The following CYTH1 variants were observed in gnomAD, a reference collection of about 807,000 sequenced individuals.
The protein encoded by CYTH1 is cytohesin-1.
A neutral mutation model predicts 61.8 loss-of-function variants in CYTH1; 18 were observed. The observed-to-expected ratio is 0.29, with a 90% CI of 0.20 to 0.43. The LOEUF (loss-of-function observed/expected upper bound fraction) is 0.43. Among genes scored for constraint, CYTH1 ranks in the 20% least tolerant of loss-of-function variants. The pLI is 1.00. For synonymous variants in CYTH1, 174 were observed against 184.3 expected, an observed-to-expected ratio of 0.94 and a Z score of 0.45; for missense variants, 336 against 510.5, an observed-to-expected ratio of 0.66 and a Z score of 3.29.
In CYTH1 at chr17:78,727,748, G is replaced by GCTT. The variant is rs1356779855; in HGVS notation, c.23-18019_23-18017dup. 2.5e-5 allele frequency: 12 copies of GCTT among 470,862 alleles called. No homozygotes were observed. In the Admixed American group the frequency reaches 2.8e-4, roughly 11 times the overall value. 29.2% of individuals were successfully genotyped at this position (470,862 alleles called of 1,614,324 possible). On this transcript the variant is annotated intron_variant, in intron 1 of 13. Transcript: ENST00000446868. The stretch of plus-strand genomic sequence containing the variant: ...CCAACTCAGTGTGTTAGGAGGGCAG[G>GCTT]CTTCTTCTTCTCTGTCTTGGCTGCT...
At chr17:78,752,773 C>T (rs2093385465) in intron 1 of CYTH1, among the ~76,000 whole-genome samples, 1 of 152,104 alleles carries the variant, frequency 6.6e-6, no homozygotes, top group Non-Finnish European at 1.5e-5. Flanking sequence ...TAATCTTAAC[C>T]ATGTAAATAT....
At chr17:78,753,878 A>G (rs1598910537) in intron 1 of CYTH1, among the ~76,000 whole-genome samples, 1 of 152,328 alleles carries the variant, frequency 6.6e-6, no homozygotes, top group South Asian at 2.1e-4. Context: ...ACCCTTGCAG[A>G]ATTGTTCTAA....
Position 78,701,653 on chromosome 17 carries a change from C to A in CYTH1, c.437+18G>T, listed in dbSNP as rs1383127394. On this transcript the variant is annotated intron_variant, in intron 6 of 13. Transcript: ENST00000446868. ...GCCTCCCACTCCTTCCAAAGGGGCT[C>A]ACCTCAAGAATACTCACCGTAGTGC... 5 of 1,613,394 alleles carry A rather than the reference C, an allele frequency of 3.1e-6. No homozygotes were observed. The South Asian group carries it at 4.4e-5, about 14-fold the overall frequency.
chr17:78,746,361 T>G (rs1438079923), intron 1 of CYTH1, among the ~76,000 whole-genome samples: 3 of 152,218 alleles, frequency 2.0e-5, no homozygotes, highest in African/African-American at 7.2e-5. Context: ...ATGTATATTC[T>G]TCTCTGAACC....
chr17:78,701,170 G>GACAGGTTT (rs200518820), intron 6 of CYTH1, among the ~76,000 whole-genome samples: 2,095 of 152,306 alleles, frequency 0.014, 50 homozygotes, highest in African/African-American at 0.048. Flanking sequence ...ACCCACAGCT[G>GACAGGTTT]ACAGGTTTAA....
At chr17:78,730,584 C>CT (rs985736496) in intron 1 of CYTH1, among the ~76,000 whole-genome samples, 23 of 151,858 alleles carry the variant, frequency 1.5e-4, no homozygotes, top group African/African-American at 5.3e-4. Flanking sequence ...TTCACTGCAT[C>CT]TTTTTTTAGG....
intron 1 of CYTH1, among the ~76,000 whole-genome samples, chr17:78,752,859 A>C (rs993754475): frequency 3.3e-5 from 5 of 152,238 alleles, no homozygotes; most frequent in African/African-American, 9.6e-5. Context: ...AAAATGCCTA[A>C]TTAAATACAA....
chr17:78,685,834 G>A (rs1026201659), intron 11 of CYTH1, among the ~76,000 whole-genome samples: 7 of 152,146 alleles, frequency 4.6e-5, no homozygotes, highest in African/African-American at 9.7e-5. Context: ...AGGGTCTTGG[G>A]TCATTCTTCT....
intron 1 of CYTH1, among the ~76,000 whole-genome samples, chr17:78,731,036 G>A (rs2093291584): frequency 1.3e-5 from 2 of 152,152 alleles, no homozygotes; most frequent in Non-Finnish European, 2.9e-5. Flanking sequence ...CTACAGGAAA[G>A]CAGAATTTGA....
At chr17:78,711,178 C>T (rs1217424493) in intron 1 of CYTH1, among the ~76,000 whole-genome samples, 1 of 151,608 alleles carries the variant, frequency 6.6e-6, no homozygotes, top group African/African-American at 2.4e-5. Context: ...AGGAGAATGG[C>T]GTAAACCCGG....
intron 1 of CYTH1, among the ~76,000 whole-genome samples, chr17:78,739,789 T>G (rs2093334954): frequency 6.6e-6 from 1 of 152,156 alleles, no homozygotes; most frequent in Non-Finnish European, 1.5e-5. Flanking sequence ...GGCGGCTTAC[T>G]TGATAAAAGT....
chr17:78,711,190 A>G (rs1370317837), intron 1 of CYTH1, among the ~76,000 whole-genome samples: 1 of 151,560 alleles, frequency 6.6e-6, no homozygotes, highest in Non-Finnish European at 1.5e-5. Context: ...TAAACCCGGG[A>G]GGTGGAGGTT....
intron 1 of CYTH1, among the ~76,000 whole-genome samples, chr17:78,749,434 T>G (rs547237639): frequency 1.6e-4 from 24 of 152,238 alleles, no homozygotes; most frequent in Middle Eastern, 3.4e-3. Context: ...CACCCCAGTC[T>G]GGGTGACAGA....
intron 13 of CYTH1, among the ~76,000 whole-genome samples, chr17:78,679,748 C>T (rs946824607): frequency 6.6e-6 from 1 of 152,196 alleles, no homozygotes; most frequent in Non-Finnish European, 1.5e-5. Context: ...ATGTGACTTC[C>T]AGCAAATTTC....
intron 1 of CYTH1, among the ~76,000 whole-genome samples, chr17:78,754,369 G>T (rs934957658): frequency 5.3e-5 from 8 of 151,766 alleles, no homozygotes; most frequent in African/African-American, 1.9e-4. Flanking sequence ...TCTGAGACAG[G>T]GTCTCACTGT....
chr17:78,703,041 C>T (rs1043009473), intron 3 of CYTH1, among the ~76,000 whole-genome samples: 1 of 152,112 alleles, frequency 6.6e-6, no homozygotes, highest in Non-Finnish European at 1.5e-5. Flanking sequence ...CTGCGTCAGC[C>T]TCCCAAAGTG....
chr17:78,689,746 T>C (rs961408552), intron 11 of CYTH1, among the ~76,000 whole-genome samples: 3 of 152,198 alleles, frequency 2.0e-5, no homozygotes, highest in African/African-American at 7.2e-5. Flanking sequence ...TACTTATGTC[T>C]ATAACGGCTG....
chr17:78,734,920 C>T (rs2093313547), intron 1 of CYTH1, among the ~76,000 whole-genome samples: 1 of 152,144 alleles, frequency 6.6e-6, no homozygotes. Flanking sequence ...AACTTCTGCC[C>T]TCCCCTGGGA....
intron 1 of CYTH1, among the ~76,000 whole-genome samples, chr17:78,776,071 C>T (rs2093489756): frequency 6.6e-6 from 1 of 152,150 alleles, no homozygotes; most frequent in Admixed American, 6.5e-5. Context: ...AGGAGAATCA[C>T]TTGAACCCAG....
Sources: allele counts gnomAD v4.1 joint callset (sites outside exome capture counted in the v4.1 genomes callset), GRCh38; gene constraint gnomAD v4.1.1; transcripts MANE v1.5; gene names NCBI Gene and HGNC (gene_info 2026-07-23, HGNC 2026-07-21).